NRG1: variants seen among roughly 807,000 people sequenced by gnomAD.
NRG1 encodes neuregulin 1.
A neutral mutation model predicts 63.8 loss-of-function variants in NRG1; 18 were observed. That is an observed-to-expected ratio of 0.28 (90% confidence interval 0.19 to 0.42). The LOEUF (loss-of-function observed/expected upper bound fraction) is 0.42. Among genes scored for constraint, NRG1 ranks in the 10% least tolerant of loss-of-function variants. The pLI is 1.00. For missense variants in NRG1, 762 were observed against 814.7 expected (o/e 0.94, Z 0.79); for synonymous variants, 302 against 301.3 (o/e 1.00, Z -0.02).
At chr8:32,180,184 C>A (rs1415586972) in intron 1 of NRG1, among the ~76,000 whole-genome samples, 1 of 152,154 alleles carries the variant, frequency 6.6e-6, no homozygotes, top group Non-Finnish European at 1.5e-5. Context: ...GTGGTTTCTG[C>A]AATTCTCCCT....
chr8:31,858,571 G>A (rs538490027), intron 1 of NRG1, among the ~76,000 whole-genome samples: 1 of 152,228 alleles, frequency 6.6e-6, no homozygotes, highest in South Asian at 2.1e-4. Context: ...GTTGGACCAA[G>A]AAGAAGCTCC....
chr8:32,751,396 C>T (rs950116510), intron 7 of NRG1, among the ~76,000 whole-genome samples: 21 of 152,148 alleles, frequency 1.4e-4, no homozygotes, highest in African/African-American at 4.8e-4. Context: ...ACCCACCGAT[C>T]GGAATGACAG....
intron 5 of NRG1, among the ~76,000 whole-genome samples, chr8:32,697,055 T>A (rs1813551929): frequency 6.6e-6 from 1 of 152,262 alleles, no homozygotes; most frequent in Admixed American, 6.5e-5. Context: ...TAGGATTAGA[T>A]GGACGTTGCC....
intron 1 of NRG1, among the ~76,000 whole-genome samples, chr8:32,061,277 T>C (rs1231491613): frequency 6.6e-6 from 1 of 151,960 alleles, no homozygotes; most frequent in African/African-American, 2.4e-5. Context: ...GTACCTCCTT[T>C]AAAGCACCAG....
upstream of NRG1, among the ~76,000 whole-genome samples, chr8:32,544,214 A>G (rs1321089086): frequency 6.6e-6 from 1 of 152,134 alleles, no homozygotes; most frequent in Admixed American, 6.6e-5. Flanking sequence ...CCATAAGCTA[A>G]GGAAGCTTAC....
At chr8:32,095,846 T>C (rs1479673315) in intron 1 of NRG1, among the ~76,000 whole-genome samples, 1 of 152,194 alleles carries the variant, frequency 6.6e-6, no homozygotes, top group Admixed American at 6.5e-5. Flanking sequence ...CTGAACCTTC[T>C]TCTTCACTGA....
intron 1 of NRG1, among the ~76,000 whole-genome samples, chr8:32,200,859 T>G (rs979780442): frequency 3.9e-5 from 6 of 152,160 alleles, no homozygotes; most frequent in Non-Finnish European, 1.5e-5. Context: ...TTAGATTCCT[T>G]CAGGGGTAAA....
chr8:32,101,265 T>G (rs1023086896), intron 1 of NRG1, among the ~76,000 whole-genome samples: 1 of 152,106 alleles, frequency 6.6e-6, no homozygotes, highest in Non-Finnish European at 1.5e-5. Flanking sequence ...ACTCACACTT[T>G]CCCCAGGTTT....
intron 1 of NRG1, among the ~76,000 whole-genome samples, chr8:32,091,034 C>T (rs1216469852): frequency 1.3e-5 from 2 of 152,184 alleles, no homozygotes; most frequent in African/African-American, 2.4e-5. Flanking sequence ...AATCCCAGAA[C>T]TCTGGGAGGC....
intron 1 of NRG1, among the ~76,000 whole-genome samples, chr8:31,819,049 T>G (rs1426419806): frequency 6.7e-6 from 1 of 148,276 alleles, no homozygotes; most frequent in Non-Finnish European, 1.5e-5. Context: ...GTGAGACTTC[T>G]TCTCAAAAAC....
intron 1 of NRG1, among the ~76,000 whole-genome samples, chr8:32,556,694 A>C (rs950823123): frequency 1.3e-5 from 2 of 152,222 alleles, no homozygotes; most frequent in Non-Finnish European, 2.9e-5. Flanking sequence ...AATGCATCTC[A>C]TTATTAGATG....
At chr8:32,385,122 C>T (rs1208470018) in intron 1 of NRG1, among the ~76,000 whole-genome samples, 1 of 152,142 alleles carries the variant, frequency 6.6e-6, no homozygotes, top group Non-Finnish European at 1.5e-5. Flanking sequence ...CAGGTGCATG[C>T]CATTCTCCTG....
intron 1 of NRG1, among the ~76,000 whole-genome samples, chr8:32,470,339 C>A (rs866343298): frequency 2.6e-5 from 4 of 151,952 alleles, no homozygotes; most frequent in Non-Finnish European, 5.9e-5. Flanking sequence ...CGCCACCACA[C>A]CCGGCTAATT....
intron 1 of NRG1, among the ~76,000 whole-genome samples, chr8:32,313,084 A>G (rs547636332): frequency 9.8e-5 from 15 of 152,300 alleles, no homozygotes; most frequent in Admixed American, 7.2e-4. Context: ...ACCCAAAAAA[A>G]GCAGAGGTTT....
intron 1 of NRG1, among the ~76,000 whole-genome samples, chr8:32,325,069 C>T (rs1266740348): frequency 6.6e-6 from 1 of 152,134 alleles, no homozygotes; most frequent in African/African-American, 2.4e-5. Context: ...ATTGTCATCG[C>T]CATCCATATC....
intron 1 of NRG1, among the ~76,000 whole-genome samples, chr8:31,672,950 A>G (rs1026631682): frequency 2.6e-5 from 3 of 116,408 alleles, no homozygotes; most frequent in Non-Finnish European, 3.7e-5. Context: ...CTAGAATCAT[A>G]GTTTTTTTTT....
chr8:31,676,581 C>T (rs1215687868), intron 1 of NRG1, among the ~76,000 whole-genome samples: 4 of 152,172 alleles, frequency 2.6e-5, no homozygotes, highest in Non-Finnish European at 5.9e-5. Context: ...CCCATATCTG[C>T]TTAATCAGAA....
intron 1 of NRG1, among the ~76,000 whole-genome samples, chr8:31,880,087 G>A (rs748648302): frequency 1.5e-4 from 23 of 152,156 alleles, no homozygotes; most frequent in South Asian, 4.1e-4. Context: ...ATTGGTGGGA[G>A]TGTAAATTAG....
intron 1 of NRG1, among the ~76,000 whole-genome samples, chr8:32,212,806 G>T (rs1844827333): frequency 6.6e-6 from 1 of 152,124 alleles, no homozygotes; most frequent in Admixed American, 6.6e-5. Flanking sequence ...GGTTAAATTT[G>T]ATTTGCTAAT....
Sources: allele counts gnomAD v4.1 joint callset (sites outside exome capture counted in the v4.1 genomes callset), GRCh38; gene constraint gnomAD v4.1.1; transcripts MANE v1.5; gene names NCBI Gene and HGNC (gene_info 2026-07-23, HGNC 2026-07-21).